The following TUSC3 variants were observed in gnomAD, a reference collection of about 807,000 sequenced individuals.
TUSC3 encodes the protein dolichyl-diphosphooligosaccharide--protein glycosyltransferase subunit TUSC3.
TUSC3 carries 45 observed loss-of-function variants against 44.8 expected under a neutral mutation model. The ratio of observed to expected loss-of-function variants is 1.00; its 90% confidence interval spans 0.79 to 1.29. TUSC3 has a LOEUF of 1.29. TUSC3 is among the 50% of genes most tolerant of loss of function. TUSC3 has a pLI of 0.00. For synonymous variants in TUSC3, 212 were observed against 152.9 expected (o/e 1.39, Z -2.85); for missense variants, 519 against 437.9 (o/e 1.19, Z -1.65).
intron 1 of TUSC3, among the ~76,000 whole-genome samples, chr8:15,551,825 A>G (rs774857194): frequency 1.3e-5 from 2 of 151,756 alleles, no homozygotes; most frequent in Non-Finnish European, 2.9e-5. Flanking sequence ...TTTTCTCTGT[A>G]TCCCTTTTCC....
At position 15,696,978 on chromosome 8, in the gene TUSC3, T is replaced by C. The variant is rs927897710; in HGVS notation, c.798+23142T>C. 2.0e-5 allele frequency among the ~76,000 whole-genome samples: 3 copies of C among 152,262 alleles called. No individual in the cohort carries two copies. In the South Asian group the frequency reaches 6.2e-4, roughly 32 times the overall value. ...ACCATTTCATTCTTGCTCCTTGTTA[T>C]TGGTCTGCTCAGGGTATCAAATAAG... On this transcript the variant is annotated intron_variant, in intron 6 of 10. Transcript: ENST00000503731.
chr8:15,602,257 A>G (rs547988291), intron 1 of TUSC3, among the ~76,000 whole-genome samples: 91 of 151,530 alleles, frequency 6.0e-4, no homozygotes, highest in African/African-American at 2.1e-3. Flanking sequence ...GAATAAATCT[A>G]TTTTCTTATT....
chr8:15,501,677 T>G (rs1800968397), intron 2 of TUSC3, among the ~76,000 whole-genome samples: 1 of 152,198 alleles, frequency 6.6e-6, no homozygotes, highest in Non-Finnish European at 1.5e-5. Context: ...TACATATTAC[T>G]CTCTTCCTGT....
At chr8:15,779,458 AG>A in the TUSC3 span, among the ~76,000 whole-genome samples, 1 of 147,690 alleles carries the variant, frequency 6.8e-6, no homozygotes, top group South Asian at 2.2e-4. Flanking sequence ...GAAACAAAAA[AG>A]TACAAAAGCT....
intron 2 of TUSC3, among the ~76,000 whole-genome samples, chr8:15,484,461 A>G (rs1187255956): frequency 6.6e-6 from 1 of 152,240 alleles, no homozygotes; most frequent in Non-Finnish European, 1.5e-5. Context: ...ATGTGCCAGC[A>G]CAGTGTAGGA....
chr8:15,619,891 T>C (rs1805167395), intron 1 of TUSC3, among the ~76,000 whole-genome samples: 1 of 152,098 alleles, frequency 6.6e-6, no homozygotes, highest in African/African-American at 2.4e-5. Flanking sequence ...GAGTTTTAAT[T>C]AGTAAGAAAG....
chr8:15,806,864 G>T, the TUSC3 span: 2 of 1,108,692 alleles, frequency 1.8e-6, no homozygotes, highest in East Asian at 2.4e-5. Flanking sequence ...CATAGTTAAT[G>T]AAATAATTAT....
At chr8:15,508,457 CTTTT>C (rs1200727081) in intron 2 of TUSC3, among the ~76,000 whole-genome samples, 1,899 of 79,570 alleles carry the variant, frequency 0.024, 11 homozygotes, top group African/African-American at 0.067. Context: ...TCGAAGCTTC[CTTTT>C]TTTTTTTTTT....
At position 15,438,933 on chromosome 8, in the gene TUSC3, C is replaced by T. The variant is rs193002286; in HGVS notation, n.91+21628C>T. Reference sequence around the variant, plus strand: ...AGCACCCAATTTAAAATGGTGTGGTCGCAAGGAGAGGAATCTACAAAACAC... The same window carrying T: ...AGCACCCAATTTAAAATGGTGTGGTTGCAAGGAGAGGAATCTACAAAACAC... On this transcript the variant is annotated intron_variant and non_coding_transcript_variant, in intron 1 of 5. Coordinates refer to the TUSC3 transcript ENST00000503191. 2.6e-3 allele frequency among the ~76,000 whole-genome samples: 397 copies of T among 152,178 alleles called. 2 individuals carry two copies. Among genetic ancestry groups the T allele is most frequent in the African/African-American group, 9.0e-3 (375 of 41,516 alleles).
chr8:15,851,048 G>T, the TUSC3 span, among the ~76,000 whole-genome samples: 9 of 152,196 alleles, frequency 5.9e-5, no homozygotes, highest in African/African-American at 2.2e-4. Flanking sequence ...TAGTGAACAG[G>T]TGTAACGTGT....
intron 2 of TUSC3, among the ~76,000 whole-genome samples, chr8:15,632,887 C>G (rs1805878660): frequency 1.3e-5 from 2 of 152,134 alleles, no homozygotes; most frequent in South Asian, 4.1e-4. Flanking sequence ...CTTTAGTCTA[C>G]TTTCTGGTAC....
intron 1 of TUSC3, among the ~76,000 whole-genome samples, chr8:15,583,432 G>T (rs542993584): frequency 1.3e-5 from 2 of 152,272 alleles, no homozygotes; most frequent in South Asian, 4.1e-4. Context: ...AGGATTACTG[G>T]AAGTAATTTG....
In TUSC3 at chr8:15,525,221, C is replaced by G. The variant is rs1399595287; in HGVS notation, n.189+41738C>G. ...TTGATCTCTATCCCCTTCTTTTCCTCTATACCTAAGTAAAACTGTACAAAG... is the reference window on the plus strand; with the variant it reads ...TTGATCTCTATCCCCTTCTTTTCCTGTATACCTAAGTAAAACTGTACAAAG... On this transcript the variant is annotated intron_variant and non_coding_transcript_variant, in intron 2 of 5. Coordinates refer to the TUSC3 transcript ENST00000503191. Among the ~76,000 whole-genome samples, 11 of 152,300 alleles carry G rather than the reference C, an allele frequency of 7.2e-5. No individual in the cohort carries two copies. The East Asian group carries it at 1.4e-3, about 19-fold the overall frequency.
At chr8:15,757,998 C>T in intron 10 of TUSC3, 143 bp downstream of exon 10, 2 of 1,456,412 alleles carry the variant, frequency 1.4e-6, no homozygotes, top group Non-Finnish European at 1.8e-6. Flanking sequence ...TTCCATATTC[C>T]AGTCTTACAT....
chr8:15,743,426 A>T, intron 7 of TUSC3, 112 bp from the exon 8 acceptor site: 1 of 1,040,048 alleles, frequency 9.6e-7, no homozygotes, highest in Non-Finnish European at 1.5e-6. Context: ...GATTGTATTT[A>T]CCTCTGTGTG....
chr8:15,730,274 G>T (rs1216682725), intron 6 of TUSC3, among the ~76,000 whole-genome samples: 1 of 152,068 alleles, frequency 6.6e-6, no homozygotes. Flanking sequence ...TGATAATGTG[G>T]AAAGGAGTGA....
At chr8:15,529,094 C>G (rs1184006120) in intron 2 of TUSC3, among the ~76,000 whole-genome samples, 2 of 152,142 alleles carry the variant, frequency 1.3e-5, no homozygotes, top group African/African-American at 4.8e-5. Context: ...CTTGAGATAA[C>G]CAAATGTTCA....
intron 1 of TUSC3, among the ~76,000 whole-genome samples, chr8:15,428,431 C>T (rs879071191): frequency 7.3e-5 from 11 of 151,652 alleles, no homozygotes; most frequent in Non-Finnish European, 1.2e-4. Flanking sequence ...AATAAACATA[C>T]GTGTGCATGT....
intron 1 of TUSC3, among the ~76,000 whole-genome samples, chr8:15,553,710 C>T (rs534691036): frequency 2.0e-5 from 3 of 151,676 alleles, no homozygotes; most frequent in African/African-American, 7.2e-5. Flanking sequence ...GTGGAGGCAG[C>T]CAACACTTCT....
Sources: allele counts gnomAD v4.1 joint callset (sites outside exome capture counted in the v4.1 genomes callset), GRCh38; gene constraint gnomAD v4.1.1; transcripts MANE v1.5; gene names NCBI Gene and HGNC (gene_info 2026-07-23, HGNC 2026-07-21).